The following ENOX2 variants were observed in gnomAD, a reference collection of about 807,000 sequenced individuals.
The protein encoded by ENOX2 is APK1 antigen.
In ENOX2, 36 loss-of-function variants were observed where a neutral mutation model predicts 45.0. The observed-to-expected ratio is 0.80, with a 90% CI of 0.61 to 1.06. The LOEUF is 1.06. Ranked by LOEUF, ENOX2 falls within the 50% of genes least tolerant of loss-of-function variation. The pLI, the probability that ENOX2 is intolerant of heterozygous loss-of-function variation, is 0.00. For synonymous variants in ENOX2, 174 were observed against 152.3 expected, an observed-to-expected ratio of 1.14 and a Z score of -1.05; for missense variants, 423 against 462.5, an observed-to-expected ratio of 0.91 and a Z score of 0.78.
chrX:130,859,638 A>G (rs1244730915), intron 2 of ENOX2, among the ~76,000 whole-genome samples: 1 of 112,037 alleles, frequency 8.9e-6, no homozygotes, highest in African/African-American at 3.2e-5. Context: ...TGTATAAACT[A>G]TAAATAGATT....
At chrX:130,876,842 T>C (rs1164453042) in intron 2 of ENOX2, among the ~76,000 whole-genome samples, 2 of 111,650 alleles carry the variant, frequency 1.8e-5, no homozygotes, top group African/African-American at 3.3e-5. Context: ...TTGGCTTATT[T>C]ATGCAAACAT....
intron 2 of ENOX2, among the ~76,000 whole-genome samples, chrX:130,851,494 G>A (rs1428952016): frequency 2.8e-5 from 3 of 105,345 alleles, no homozygotes; most frequent in Non-Finnish European, 5.8e-5. Flanking sequence ...TATACTTTAA[G>A]TAAATGGATG....
intron 2 of ENOX2, among the ~76,000 whole-genome samples, chrX:130,801,875 G>A (rs934144013): frequency 9.0e-6 from 1 of 111,191 alleles, no homozygotes; most frequent in Non-Finnish European, 1.9e-5. Flanking sequence ...TGACATTTAC[G>A]GAATGTCTAC....
intron 3 of ENOX2, among the ~76,000 whole-genome samples, chrX:130,739,756 CA>C (rs2038937875): frequency 8.9e-6 from 1 of 112,044 alleles, no homozygotes; most frequent in Non-Finnish European, 1.9e-5. Flanking sequence ...GAATGGAACT[CA>C]CACCTTGACT....
At chrX:130,642,561 A>T (rs945072282) in intron 10 of ENOX2, among the ~76,000 whole-genome samples, 51 of 112,585 alleles carry the variant, frequency 4.5e-4, no homozygotes, top group African/African-American at 1.6e-3. Flanking sequence ...GTAAAATGCT[A>T]TCAAACAGCA....
intron 3 of ENOX2, among the ~76,000 whole-genome samples, chrX:130,751,252 A>G (rs1327952455): frequency 8.9e-6 from 1 of 111,901 alleles, no homozygotes; most frequent in East Asian, 2.8e-4. Flanking sequence ...TTCTGTCTCC[A>G]TGGATTTACC....
chrX:130,872,664 A>C (rs1003997630), intron 2 of ENOX2, among the ~76,000 whole-genome samples: 1 of 112,187 alleles, frequency 8.9e-6, no homozygotes, highest in African/African-American at 3.2e-5. Context: ...GGCTACAGTA[A>C]CCAAAACAGC....
At chrX:130,900,970 C>T (rs148378905) in intron 2 of ENOX2, among the ~76,000 whole-genome samples, 86 of 112,255 alleles carry the variant, frequency 7.7e-4, no homozygotes, top group African/African-American at 2.7e-3. Context: ...AAATAAAATA[C>T]ATCCAAAGTG....
intron 2 of ENOX2, among the ~76,000 whole-genome samples, chrX:130,879,077 A>C (rs112534164): frequency 5.6e-3 from 628 of 111,715 alleles, no homozygotes; most frequent in South Asian, 0.011. Flanking sequence ...AAGCTGGGCA[A>C]ATTTCCATGA....
At position 130,679,683 on chromosome X, in the gene ENOX2, G is replaced by A. The variant is rs1262061048; in HGVS notation, c.319C>T (p.Pro107Ser). The A allele has an allele frequency of 1.7e-6, 2 of 1,211,002 alleles. No individual in the cohort carries two copies. The highest frequency in any genetic ancestry group is 1.8e-5 in the South Asian group (1 of 56,906). The change falls in exon 6 of 15, where the codon CCT becomes TCT. Residue 107 changes from proline (P) to serine (S), a missense_variant. Pro to Ser is a moderately conservative substitution (Grantham distance 74, BLOSUM62 -1). Transcript: ENST00000394363. ...ATGATTTGCTCTGTCCCATTTTCAG[G>A]CAGACCACCCACAAATACTGTTTTG... The part of the protein sequence containing the change: ...GCKTVFVGGL[P>S]ENGTEQIIVE...
At chrX:130,709,628 ACT>A (rs2038129193) in intron 3 of ENOX2, among the ~76,000 whole-genome samples, 1 of 93,551 alleles carries the variant, frequency 1.1e-5, no homozygotes, top group African/African-American at 4.0e-5. Context: ...ACAGAGTGAG[ACT>A]CTGTCTCAAA....
At chrX:130,718,343 C>T (rs777653956) in intron 3 of ENOX2, among the ~76,000 whole-genome samples, 7 of 111,761 alleles carry the variant, frequency 6.3e-5, no homozygotes, top group African/African-American at 1.3e-4. Context: ...AGCAGGGTGA[C>T]GGAGCTGTGA....
intron 2 of ENOX2, among the ~76,000 whole-genome samples, chrX:130,804,094 C>T (rs2077262164): frequency 1.8e-5 from 2 of 111,315 alleles, no homozygotes; most frequent in Admixed American, 1.9e-4. Flanking sequence ...CTTCCCTGCC[C>T]ACCCTCTGGT....
chrX:130,654,157 T>C (rs1468026056), intron 10 of ENOX2, among the ~76,000 whole-genome samples: 2 of 112,169 alleles, frequency 1.8e-5, no homozygotes, highest in Admixed American at 9.4e-5. Context: ...AACAAGATAA[T>C]GAAATAATTT....
chrX:130,900,099 A>C (rs1391749083), intron 2 of ENOX2, among the ~76,000 whole-genome samples: 1 of 111,957 alleles, frequency 8.9e-6, no homozygotes, highest in Non-Finnish European at 1.9e-5. Flanking sequence ...CTTACAGTAA[A>C]AATCTGATCG....
intron 3 of ENOX2, among the ~76,000 whole-genome samples, chrX:130,758,532 G>A (rs1355154031): frequency 8.9e-6 from 1 of 112,156 alleles, no homozygotes; most frequent in African/African-American, 3.2e-5. Context: ...AGGACATCTG[G>A]GTTGTTCGTA....
At chrX:130,853,259 C>T (rs1231235248) in intron 2 of ENOX2, among the ~76,000 whole-genome samples, 2 of 108,602 alleles carry the variant, frequency 1.8e-5, no homozygotes, top group African/African-American at 3.3e-5. Context: ...GGGCGGATCA[C>T]GAGGTCAGGA....
At chrX:130,689,087 G>T in intron 4 of ENOX2, 69 bp from the exon 5 acceptor site, 1 of 985,793 alleles carries the variant, frequency 1.0e-6, no homozygotes, top group African/African-American at 1.9e-5. Flanking sequence ...ATGTTACTTT[G>T]TAAGCTTCAA....
rs1485178121 is a variant in ENOX2, at chrX:130,832,733, A to G, written c.-182-49043T>C. ...TAGTATTAAAAATACTGTCCATGAT[A>G]TTTTACTTCCTGGCTTTGAGAGCAG... On this transcript the variant is annotated intron_variant, in intron 2 of 14. Transcript: ENST00000394363. Among the ~76,000 whole-genome samples, 3 of 110,531 alleles carry G rather than the reference A, an allele frequency of 2.7e-5. No homozygotes were observed. In the Admixed American group the frequency reaches 2.9e-4, roughly 11 times the overall value.
Sources: allele counts gnomAD v4.1 joint callset (sites outside exome capture counted in the v4.1 genomes callset), GRCh38; gene constraint gnomAD v4.1.1; transcripts MANE v1.5; gene names NCBI Gene and HGNC (gene_info 2026-07-23, HGNC 2026-07-21).